Variants in DPH6 observed in about 807,000 individuals in gnomAD.
DPH6 encodes diphthamine biosynthesis 6.
DPH6 carries 33 observed loss-of-function variants against 38.2 expected under a neutral mutation model. The ratio of observed to expected loss-of-function variants is 0.86; its 90% CI spans 0.65 to 1.15. The LOEUF (loss-of-function observed/expected upper bound fraction) is 1.15, where lower values mean the gene tolerates loss of function less well. DPH6 is among the 50% of genes most tolerant of loss of function. The pLI is 0.00. For synonymous variants in DPH6, 108 were observed against 103.0 expected (o/e 1.05, Z -0.30); for missense variants, 325 against 320.0 (o/e 1.02, Z -0.12).
At chr15:35,274,788 T>C (rs186339710) in intron 3 of DPH6, among the ~76,000 whole-genome samples, 5 of 152,254 alleles carry the variant, frequency 3.3e-5, no homozygotes, top group Admixed American at 2.6e-4. Flanking sequence ...TTTTACACTG[T>C]TGGTGGGAGT....
rs762673271 is a variant in DPH6 at position 35,542,514 on chromosome 15, A to G, written c.24-7T>C. The G allele has an allele frequency of 3.2e-6, 5 of 1,541,926 alleles. No individual in the cohort carries two copies. The South Asian group carries it at 6.0e-5, about 18-fold the overall frequency. Reference sequence around the variant, plus strand: ...GCAGCTGTCCTTCCCACCACTAAACAATAAATCAAGAGAGGGACAAATATC... The same window carrying G: ...GCAGCTGTCCTTCCCACCACTAAACGATAAATCAAGAGAGGGACAAATATC... On this transcript the variant is annotated splice_region_variant and splice_polypyrimidine_tract_variant and intron_variant, in intron 1 of 8. Transcript: ENST00000256538.
At chr15:35,224,609 A>G (rs2051467070) in intron 3 of DPH6, among the ~76,000 whole-genome samples, 1 of 152,204 alleles carries the variant, frequency 6.6e-6, no homozygotes, top group African/African-American at 2.4e-5. Flanking sequence ...GCTGGATCTT[A>G]TGTTAAGAAT....
intron 3 of DPH6, among the ~76,000 whole-genome samples, chr15:35,336,006 T>C (rs1461555202): frequency 6.6e-6 from 1 of 152,242 alleles, no homozygotes; most frequent in East Asian, 1.9e-4. Context: ...TGATTCTTCC[T>C]ATCCATGAGC....
chr15:35,401,656 G>A, intron 6 of DPH6: 1 of 751,218 alleles, frequency 1.3e-6, no homozygotes, highest in South Asian at 1.3e-5. Context: ...TTTGGAGGCA[G>A]AAACTCTGGC....
chr15:35,233,145 T>C (rs2051529751), intron 3 of DPH6, among the ~76,000 whole-genome samples: 1 of 151,962 alleles, frequency 6.6e-6, no homozygotes. Flanking sequence ...CCGTCTCTAC[T>C]AAAAATAAAA....
intron 3 of DPH6, among the ~76,000 whole-genome samples, chr15:35,470,033 A>C (rs547026325): frequency 5.3e-5 from 8 of 152,108 alleles, no homozygotes; most frequent in African/African-American, 1.9e-4. Flanking sequence ...CCCTGTCTCT[A>C]CTAAAAATAC....
At chr15:35,288,426 G>T (rs553240692) in intron 3 of DPH6, among the ~76,000 whole-genome samples, 1 of 152,270 alleles carries the variant, frequency 6.6e-6, no homozygotes, top group Admixed American at 6.5e-5. Context: ...GTCATTCATT[G>T]TATGTATTTT....
intron 3 of DPH6, among the ~76,000 whole-genome samples, chr15:35,347,556 C>T (rs1164080101): frequency 8.1e-6 from 1 of 124,022 alleles, no homozygotes; most frequent in African/African-American, 3.4e-5. Flanking sequence ...TAGGTTGCTT[C>T]CACATCTTGG....
At chr15:35,379,526 G>A (rs1399493858) in intron 7 of DPH6, among the ~76,000 whole-genome samples, 6 of 152,104 alleles carry the variant, frequency 3.9e-5, no homozygotes, top group East Asian at 1.9e-4. Context: ...TGTATTATAT[G>A]GAAGATTATA....
chr15:35,299,433 A>T, intron 3 of DPH6: 1 of 782,672 alleles, frequency 1.3e-6, no homozygotes, highest in Non-Finnish European at 2.4e-6. Context: ...CTGATCGTAC[A>T]GGGACATCTT....
chr15:35,228,068 T>C (rs965027832), intron 3 of DPH6, among the ~76,000 whole-genome samples: 62 of 152,312 alleles, frequency 4.1e-4, no homozygotes, highest in African/African-American at 1.4e-3. Flanking sequence ...GAAAGATTCA[T>C]GTTCTAAAGA....
intron 7 of DPH6, among the ~76,000 whole-genome samples, chr15:35,377,801 T>C (rs1056284757): frequency 1.3e-5 from 2 of 152,110 alleles, no homozygotes; most frequent in African/African-American, 2.4e-5. Flanking sequence ...AAAATGTTAA[T>C]TGGAATTTGG....
intron 3 of DPH6, among the ~76,000 whole-genome samples, chr15:35,513,830 A>G (rs1009192796): frequency 6.6e-6 from 1 of 152,026 alleles, no homozygotes; most frequent in African/African-American, 2.4e-5. Context: ...GAATATATAT[A>G]TAATTGACAA....
chr15:35,186,884 C>T, the DPH6 span, among the ~76,000 whole-genome samples: 1 of 151,882 alleles, frequency 6.6e-6, no homozygotes, highest in South Asian at 2.1e-4. Context: ...GAAGATTCCT[C>T]AAAAAATTAA....
chr15:35,444,382 C>T (rs957861648), intron 5 of DPH6, among the ~76,000 whole-genome samples: 10 of 152,218 alleles, frequency 6.6e-5, no homozygotes, highest in South Asian at 2.1e-4. Context: ...TGTGATACTT[C>T]GGCCATTGGA....
intron 6 of DPH6, among the ~76,000 whole-genome samples, chr15:35,385,549 G>C (rs969158281): frequency 6.6e-6 from 1 of 152,090 alleles, no homozygotes; most frequent in African/African-American, 2.4e-5. Flanking sequence ...TCACTCATAA[G>C]TGGGAGTTGA....
At chr15:35,206,089 T>C in the DPH6 span, among the ~76,000 whole-genome samples, 1 of 152,148 alleles carries the variant, frequency 6.6e-6, no homozygotes, top group African/African-American at 2.4e-5. Flanking sequence ...AAAACTATCA[T>C]TTGTAACTTT....
intron 3 of DPH6, chr15:35,237,919 C>T (rs901638953): frequency 2.2e-5 from 31 of 1,389,944 alleles, no homozygotes; most frequent in Admixed American, 1.2e-4. Context: ...AAGAGGAGGA[C>T]GTGAGTGGAG....
At chr15:35,347,382 G>C (rs1042439248) in intron 3 of DPH6, among the ~76,000 whole-genome samples, 4 of 151,656 alleles carry the variant, frequency 2.6e-5, no homozygotes, top group African/African-American at 9.7e-5. Flanking sequence ...AAACTCCCGG[G>C]TTTAAGTGAT....
Sources: gnomAD v4.1 joint callset for allele counts (sites outside exome capture counted in the v4.1 genomes callset) on GRCh38, gnomAD v4.1.1 for gene constraint, MANE v1.5 for transcripts, NCBI Gene and HGNC (gene_info 2026-07-23, HGNC 2026-07-21) for gene names.